The following ABCG8 variants were observed in gnomAD, a reference collection of about 807,000 sequenced individuals.
The protein encoded by ABCG8 is ATP binding cassette subfamily G member 8.
Under a neutral mutation model 71.3 loss-of-function variants are expected in ABCG8, and 81 were observed. The ratio of observed to expected loss-of-function variants is 1.14; its 90% confidence interval spans 0.95 to 1.37. The LOEUF is 1.37. Ranked by LOEUF, ABCG8 falls within the 40% of genes most tolerant of loss-of-function variation. The pLI is 0.00. For missense variants in ABCG8, 1,119 were observed against 866.2 expected (o/e 1.29, Z -3.66); for synonymous variants, 451 against 354.7 (o/e 1.27, Z -3.05).
chr2:43,838,980 G>T lies in ABCG8; in HGVS notation c.-74G>T. 1 of 1,469,352 alleles carries T rather than the reference G, an allele frequency of 6.8e-7. No individual in the cohort carries two copies. Among genetic ancestry groups the T allele is most frequent in the Non-Finnish European group, 9.3e-7 (1 of 1,074,914 alleles). The allele number at this position is 1,469,352 out of a possible 1,614,324, so 91.0% of individuals were successfully genotyped here. ...GTGTCCCTGCTCCAGGAAACAGAGTGAAGACACTGGCCCTGGCAGGCAGCA... is the reference window on the plus strand; with the variant it reads ...GTGTCCCTGCTCCAGGAAACAGAGTTAAGACACTGGCCCTGGCAGGCAGCA... On this transcript the variant is annotated 5_prime_UTR_variant, in exon 1 of 13. Coordinates refer to ENST00000272286, the MANE Select transcript of ABCG8 (RefSeq NM_022437.3). This position sits in a 1 kb window ranked among gnomAD's most constrained non-coding sequence, Gnocchi z 4.2.
intron 9 of ABCG8, 107 bp downstream of exon 9, chr2:43,874,093 T>C: frequency 8.5e-7 from 1 of 1,182,932 alleles, no homozygotes; most frequent in Non-Finnish European, 1.2e-6. Flanking sequence ...TTGTGATATA[T>C]AAGACAATAA....
In ABCG8 at chr2:43,858,367, T is replaced by C. The variant is rs188260184; in HGVS notation, c.964+5499T>C. The stretch of plus-strand genomic sequence containing the variant: ...CTAACTGGGAGGAACTCTCACTATC[T>C]GGATAGAATTCTCAACATCTGGATA... On this transcript the variant is annotated intron_variant, in intron 6 of 12. Coordinates refer to ENST00000272286, the MANE Select transcript of ABCG8 (RefSeq NM_022437.3). Among the ~76,000 whole-genome samples, 11 of 151,896 alleles carry C rather than the reference T, an allele frequency of 7.2e-5. No homozygotes were observed. In the East Asian group the frequency reaches 2.1e-3, roughly 29 times the overall value.
intron 9 of ABCG8, 68 bp from the exon 10 acceptor site, chr2:43,874,339 C>T: frequency 1.6e-6 from 2 of 1,282,972 alleles, no homozygotes; most frequent in Admixed American, 1.7e-5. Flanking sequence ...TTAAGAGAGT[C>T]TCCAAAACAG....
rs1670120996 is a variant in ABCG8 at position 43,881,160 on chromosome 2, A to G, written c.*3247A>G. On this transcript the variant is annotated 3_prime_UTR_variant, in exon 13 of 13. Transcript: ENST00000272286. The stretch of plus-strand genomic sequence containing the variant: ...TTTGTGAGTTCACCATTCGGTCTGC[A>G]ATGGGTTTTGGTAACTCAGTGGCTC... 6.6e-6 allele frequency: 1 copy of G among 152,270 alleles called. No homozygotes were observed. The highest frequency in any genetic ancestry group is 2.4e-5 in the African/African-American group (1 of 41,458). The allele number at this position is 152,270 out of a possible 1,614,324, so 9.4% of individuals were successfully genotyped here.
rs1669332727 is a variant in ABCG8, at chr2:43,861,876, A to T, written c.964+9008A>T. Reference sequence around the variant, plus strand: ...TCTGGATAGAATTCTCACCATCTGCATTGAAATCTCACTATCTATCTGGAT... The same window carrying T: ...TCTGGATAGAATTCTCACCATCTGCTTTGAAATCTCACTATCTATCTGGAT... On this transcript the variant is annotated intron_variant, in intron 6 of 12. Transcript: ENST00000272286. 2.0e-5 allele frequency among the ~76,000 whole-genome samples: 3 copies of T among 151,150 alleles called. No individual in the cohort carries two copies. In the South Asian group the frequency reaches 6.3e-4, roughly 31 times the overall value.
intron 6 of ABCG8, among the ~76,000 whole-genome samples, chr2:43,858,915 T>C (rs1669207714): frequency 6.6e-6 from 1 of 151,664 alleles, no homozygotes; most frequent in East Asian, 1.9e-4. Context: ...ATTCTCACCC[T>C]CTGGATACAA....
At position 43,868,452 on chromosome 2, in the gene ABCG8, A is replaced by G. The variant is rs138336001; in HGVS notation, c.965-3524A>G. Among the ~76,000 whole-genome samples the G allele has an allele frequency of 9.6e-4, 145 of 151,828 alleles. 1 individual carries two copies. The Middle Eastern group carries it at 0.01, about 11-fold the overall frequency. ...TCACCCTCTGGATAGAATTCGCACT[A>G]TCTATCTGGATAGAATTCTGTCTCT... On this transcript the variant is annotated intron_variant, in intron 6 of 12. Coordinates refer to ENST00000272286, the MANE Select transcript of ABCG8 (RefSeq NM_022437.3).
At chr2:43,869,725 T>A (rs997514027) in intron 6 of ABCG8, among the ~76,000 whole-genome samples, 1 of 151,946 alleles carries the variant, frequency 6.6e-6, no homozygotes, top group African/African-American at 2.4e-5. Flanking sequence ...CTGGATAGAA[T>A]TCTCACCATC....
Position 43,873,931 on chromosome 2 carries a change from G to T in ABCG8, c.1356G>T (p.Leu452Phe), listed in dbSNP as rs779292615. The part of the protein sequence containing the change: ...QLSFMDTAAL[L>F]FMIGALIPFN... ...CCTTCATGGATACAGCCGCCCTCTT[G>T]TTCATGATCGGTGCTCTCATCCCTT... The change falls in exon 9 of 13, where the codon TTG (leucine) becomes TTT (phenylalanine). Residue 452 changes from leucine (L) to phenylalanine (F), a missense_variant. By Grantham distance (22) the Leu-to-Phe change is conservative. Transcript: ENST00000272286. The T allele has an allele frequency of 2.1e-5, 34 of 1,613,944 alleles. No individual in the cohort carries two copies. Among genetic ancestry groups the T allele is most frequent in the Non-Finnish European group, 2.5e-5 (30 of 1,180,042 alleles).
At chr2:43,844,854 C>T (rs1668694243) in intron 2 of ABCG8, among the ~76,000 whole-genome samples, 2 of 152,020 alleles carry the variant, frequency 1.3e-5, no homozygotes, top group Admixed American at 1.3e-4. Context: ...AATGCGTGAA[C>T]CTATAGAAAA....
chr2:43,856,738 G>A (rs1669121498), intron 6 of ABCG8, among the ~76,000 whole-genome samples: 1 of 151,464 alleles, frequency 6.6e-6, no homozygotes, highest in South Asian at 2.1e-4. Flanking sequence ...TCACCATCTG[G>A]AAGAAGTTTC....
intron 6 of ABCG8, among the ~76,000 whole-genome samples, chr2:43,864,381 A>G (rs1356099375): frequency 1.3e-5 from 2 of 150,410 alleles, no homozygotes; most frequent in Non-Finnish European, 3.0e-5. Context: ...TATAATTCTC[A>G]CTCTCTGGAT....
intron 6 of ABCG8, among the ~76,000 whole-genome samples, chr2:43,857,823 G>T (rs535007617): frequency 6.6e-6 from 1 of 151,606 alleles, no homozygotes; most frequent in African/African-American, 2.4e-5. Flanking sequence ...TACCTGTCTA[G>T]ATACAATTTT....
Position 43,873,978 on chromosome 2 carries a change from T to C in ABCG8, c.1403T>C (p.Ile468Thr). Residue 468 changes from isoleucine to threonine, a missense_variant, in exon 9 of 13, where the codon ATC (isoleucine) becomes ACC (threonine). Transcript: ENST00000272286. ...CCTTTCAACGTCATTCTGGATGTCATCTCCAAATGTGAGTGTGGCCCACTG... is the reference window on the plus strand; with the variant it reads ...CCTTTCAACGTCATTCTGGATGTCACCTCCAAATGTGAGTGTGGCCCACTG... The part of the protein sequence containing the change: ...LIPFNVILDV[I>T]SKCYSERAML... 1 of 1,613,968 alleles carries C rather than the reference T, an allele frequency of 6.2e-7. No homozygotes were observed. Among genetic ancestry groups the C allele is most frequent in the Non-Finnish European group, 8.5e-7 (1 of 1,180,036 alleles).
Position 43,852,501 on chromosome 2 carries a change from G to T in ABCG8, c.694+15G>T, listed in dbSNP as rs543646540. The T allele has an allele frequency of 3.7e-6, 6 of 1,613,484 alleles. No homozygotes were observed. The African/African-American group carries it at 8.0e-5, about 21-fold the overall frequency. ...GTGGAACCCAGGTGAGGGCCTGGGG[G>T]GCAGATGGGGGCAGAGGGACCTGTG... On this transcript the variant is annotated intron_variant, in intron 5 of 12. Transcript: ENST00000272286.
Position 43,844,541 on chromosome 2 carries a change from A to G in ABCG8, c.98A>G (p.Asp33Gly). ...GATAGATTGTTCTCCTCTGAAAGTG[A>G]CAACAGCCTGTACTTCACCTACAGT... is the stretch of plus-strand genomic sequence containing the variant. ...LQDRLFSSES[D>G]NSLYFTYSGQ... is the part of the protein sequence containing the mutation. The change falls in exon 2 of 13, where the codon GAC becomes GGC. Residue 33 changes from aspartate (D) to glycine (G), a missense_variant. Transcript: ENST00000272286. 1 of 1,614,160 alleles carries G rather than the reference A, an allele frequency of 6.2e-7. No individual in the cohort carries two copies. The highest frequency in any genetic ancestry group is 1.3e-5 in the African/African-American group (1 of 75,054).
intron 1 of ABCG8, 100 bp downstream of exon 1, chr2:43,839,216 G>C (rs1042626374): frequency 4.6e-6 from 6 of 1,297,464 alleles, no homozygotes; most frequent in African/African-American, 2.9e-5. Flanking sequence ...AGCACCACCC[G>C]GACATCAAGC....
intron 3 of ABCG8, 59 bp from the exon 4 acceptor site, chr2:43,851,525 C>A: frequency 1.3e-6 from 2 of 1,584,772 alleles, no homozygotes; most frequent in Non-Finnish European, 1.7e-6. Context: ...GGAGCAGTGG[C>A]TGACAGCCTG....
intron 6 of ABCG8, among the ~76,000 whole-genome samples, chr2:43,860,566 G>T (rs1220584989): frequency 6.6e-6 from 1 of 151,160 alleles, no homozygotes; most frequent in Non-Finnish European, 1.5e-5. Context: ...TCACTATCTG[G>T]ATAGAATTCT....
Sources: allele counts gnomAD v4.1 joint callset (sites outside exome capture counted in the v4.1 genomes callset), GRCh38; gene constraint gnomAD v4.1.1; non-coding constraint Gnocchi (gnomAD v3.1); transcripts MANE v1.5; gene names NCBI Gene and HGNC (gene_info 2026-07-23, HGNC 2026-07-21).